The following AMMECR1 variants were observed in gnomAD, a reference collection of about 807,000 sequenced individuals.
AMMECR1 encodes AMMECR nuclear protein 1, also known as nuclear protein AMMECR1.
In AMMECR1, 3 loss-of-function variants were observed where a neutral mutation model predicts 22.5. The observed-to-expected ratio is 0.13, with a 90% CI of 0.06 to 0.35. AMMECR1 has a LOEUF of 0.35. Among genes scored for constraint, AMMECR1 ranks in the 10% least tolerant of loss-of-function variants. AMMECR1 has a pLI of 1.00. For synonymous variants in AMMECR1, 130 were observed against 116.7 expected, an observed-to-expected ratio of 1.11 and a Z score of -0.74; for missense variants, 235 against 278.7, an observed-to-expected ratio of 0.84 and a Z score of 1.12.
chrX:110,422,175 C>T (rs947616370), intron 2 of AMMECR1, among the ~76,000 whole-genome samples: 2 of 112,663 alleles, frequency 1.8e-5, no homozygotes, highest in African/African-American at 6.5e-5. Context: ...TTTTCCCTGT[C>T]CAGGTTTCTT....
intron 2 of AMMECR1, among the ~76,000 whole-genome samples, chrX:110,228,606 G>A (rs750909538): frequency 1.3e-4 from 15 of 111,269 alleles, no homozygotes; most frequent in Non-Finnish European, 2.8e-4. Flanking sequence ...ACAGTGAGCT[G>A]CCCAACATAA....
chrX:110,359,418 A>AT (rs2068248444), intron 2 of AMMECR1, among the ~76,000 whole-genome samples: 1 of 110,713 alleles, frequency 9.0e-6, no homozygotes, highest in Non-Finnish European at 1.9e-5. Context: ...TCTGCCAAAT[A>AT]TTTTTTCCAT....
chrX:110,230,904 A>C (rs2067561880), intron 2 of AMMECR1, among the ~76,000 whole-genome samples: 1 of 112,301 alleles, frequency 8.9e-6, no homozygotes, highest in African/African-American at 3.2e-5. Context: ...TCAAGAGCCG[A>C]TTCAATCAAG....
chrX:110,203,682 A>C (rs2148163494), intron 3 of AMMECR1, among the ~76,000 whole-genome samples: 1 of 110,809 alleles, frequency 9.0e-6, no homozygotes, highest in East Asian at 2.8e-4. Context: ...AAAGTCATAA[A>C]CCTTTATACT....
intron 2 of AMMECR1, among the ~76,000 whole-genome samples, chrX:110,403,453 CAG>C (rs1427714520): frequency 8.9e-6 from 1 of 111,828 alleles, no homozygotes; most frequent in African/African-American, 3.3e-5. Context: ...GACAGACAGA[CAG>C]ACACACACAC....
In AMMECR1 at chrX:110,210,403, A is replaced by G. The variant is rs555823663; in HGVS notation, c.699+6115T>C. On this transcript the variant is annotated intron_variant, in intron 3 of 5. Transcript: ENST00000262844. ...ATGAAGCTCATATTTTTTAAGTTAG[A>G]AGAGAGAAAAAACATGATGTATATC... Among the ~76,000 whole-genome samples, 3 of 111,868 alleles carry G rather than the reference A, an allele frequency of 2.7e-5. No homozygotes were observed. The South Asian group carries it at 1.1e-3, about 42-fold the overall frequency.
chrX:110,279,727 A>C (rs1172866909), intron 1 of AMMECR1, among the ~76,000 whole-genome samples: 3 of 112,068 alleles, frequency 2.7e-5, no homozygotes, highest in East Asian at 2.8e-4. Flanking sequence ...ATGTAAATAA[A>C]AGTTATTTTA....
rs190272694 is a variant in AMMECR1, at chrX:110,403,260, G to T, written c.-148+23398C>A. Reference sequence around the variant, plus strand: ...AGAGGATGCTTATTCTACAAAATTTGTGGGCATATTCATAGGTACTATGGA... The same window carrying T: ...AGAGGATGCTTATTCTACAAAATTTTTGGGCATATTCATAGGTACTATGGA... On this transcript the variant is annotated intron_variant, in intron 2 of 7. Transcript: ENST00000372057. Among the ~76,000 whole-genome samples, 11 of 112,252 alleles carry T rather than the reference G, an allele frequency of 9.8e-5. No homozygotes were observed. The East Asian group carries it at 2.2e-3, about 23-fold the overall frequency.
At chrX:110,337,927 C>A (rs896843654) in intron 2 of AMMECR1, among the ~76,000 whole-genome samples, 5 of 112,071 alleles carry the variant, frequency 4.5e-5, no homozygotes, top group Non-Finnish European at 7.5e-5. Context: ...CATGGGTGAA[C>A]CTTGAGGACA....
At chrX:110,235,744 A>G (rs776082578) in intron 2 of AMMECR1, among the ~76,000 whole-genome samples, 1 of 111,735 alleles carries the variant, frequency 8.9e-6, no homozygotes, top group Non-Finnish European at 1.9e-5. Context: ...GTTTTTACTC[A>G]TAGATGGGAA....
chrX:110,282,266 TA>T (rs769076723), intron 1 of AMMECR1, among the ~76,000 whole-genome samples: 52 of 105,149 alleles, frequency 4.9e-4, no homozygotes, highest in African/African-American at 4.8e-4. Context: ...AACCTCAGAT[TA>T]AAAAAAAAAA....
At chrX:110,257,606 G>A (rs2067717353) in intron 2 of AMMECR1, among the ~76,000 whole-genome samples, 1 of 112,083 alleles carries the variant, frequency 8.9e-6, no homozygotes, top group African/African-American at 3.2e-5. Context: ...TTTGGACCAT[G>A]TAGGATAAAA....
rs756591587 is a variant in AMMECR1 at position 110,282,163 on chromosome X, CTT to C, written c.474-17566_474-17565del. 2.7e-5 allele frequency among the ~76,000 whole-genome samples: 3 copies of C among 111,439 alleles called. No individual in the cohort carries two copies. The South Asian group carries it at 1.1e-3, about 42-fold the overall frequency. On this transcript the variant is annotated intron_variant, in intron 1 of 5. Transcript: ENST00000262844. Reference sequence around the variant, plus strand: ...AAACTCCCACACGTAAGAACTATCTCTTAGGAACATAAACATCTCAGAGATAA... The same window carrying C: ...AAACTCCCACACGTAAGAACTATCTCAGGAACATAAACATCTCAGAGATAA...
intron 1 of AMMECR1, among the ~76,000 whole-genome samples, chrX:110,316,369 TG>T (rs1340927204): frequency 9.0e-6 from 1 of 111,604 alleles, no homozygotes; most frequent in Non-Finnish European, 1.9e-5. Flanking sequence ...ATTTATGATA[TG>T]GGGGACAAGG....
chrX:110,388,219 A>ATGTTTTT (rs2068471376), intron 2 of AMMECR1, among the ~76,000 whole-genome samples: 2 of 111,681 alleles, frequency 1.8e-5, no homozygotes, highest in Non-Finnish European at 3.8e-5. Context: ...AAAGGGGCCC[A>ATGTTTTT]CATCAAGTTT....
At chrX:110,293,871 T>C (rs764601092) in intron 1 of AMMECR1, among the ~76,000 whole-genome samples, 3 of 111,623 alleles carry the variant, frequency 2.7e-5, no homozygotes, top group Non-Finnish European at 5.7e-5. Flanking sequence ...CATCATCCTC[T>C]AACTACTACA....
intron 2 of AMMECR1, among the ~76,000 whole-genome samples, chrX:110,352,458 T>C (rs955900078): frequency 3.1e-4 from 35 of 112,196 alleles, no homozygotes; most frequent in African/African-American, 1.1e-3. Flanking sequence ...ACCCATCTAT[T>C]GTATGAGTCT....
intron 2 of AMMECR1, among the ~76,000 whole-genome samples, chrX:110,407,385 A>C (rs766858638): frequency 5.3e-5 from 6 of 112,257 alleles, no homozygotes; most frequent in Non-Finnish European, 9.4e-5. Context: ...GGTCTAGAAG[A>C]TACAGTGCAA....
chrX:110,338,704 A>T lies in AMMECR1; in HGVS notation c.-147-20855T>A, dbSNP rs1310034706. 2.7e-5 allele frequency among the ~76,000 whole-genome samples: 3 copies of T among 111,609 alleles called. No homozygotes were observed. In the Admixed American group the frequency reaches 2.9e-4, roughly 11 times the overall value. On this transcript the variant is annotated intron_variant, in intron 2 of 7. Coordinates refer to the AMMECR1 transcript ENST00000372057. Reference sequence around the variant, plus strand: ...ATGGCAGGGGAGGTAAATCCACTCAATGGATTTTGTTCTGGAATCTGTATG... The same window carrying T: ...ATGGCAGGGGAGGTAAATCCACTCATTGGATTTTGTTCTGGAATCTGTATG...
Sources: gnomAD v4.1 joint callset for allele counts (sites outside exome capture counted in the v4.1 genomes callset) on GRCh38, gnomAD v4.1.1 for gene constraint, MANE v1.5 for transcripts, NCBI Gene and HGNC (gene_info 2026-07-23, HGNC 2026-07-21) for gene names.